TALDO1: variants seen among roughly 807,000 people sequenced by gnomAD.
TALDO1 encodes transaldolase.
A neutral mutation model predicts 38.1 loss-of-function variants in TALDO1; 29 were observed. That is an observed-to-expected ratio of 0.76 (90% CI 0.57 to 1.04). The LOEUF is 1.04. TALDO1 is among the 50% of genes least tolerant of loss of function. TALDO1 has a pLI of 0.00. For synonymous variants in TALDO1, 207 were observed against 176.8 expected (o/e 1.17, Z -1.36); for missense variants, 499 against 438.1 (o/e 1.14, Z -1.24).
intron 4 of TALDO1, among the ~76,000 whole-genome samples, chr11:762,731 C>T (rs372219267): frequency 8.9e-4 from 135 of 152,398 alleles, no homozygotes; most frequent in Non-Finnish European, 1.6e-3. Flanking sequence ...CTGCTCCGTC[C>T]TTGGGGATCA....
At chr11:758,529 AGATG>A (rs973052857) in intron 2 of TALDO1, among the ~76,000 whole-genome samples, 10 of 152,164 alleles carry the variant, frequency 6.6e-5, no homozygotes, top group African/African-American at 2.4e-4. Flanking sequence ...AGAAAAAAAA[AGATG>A]GAGGGAAGGA....
At chr11:759,271 T>C (rs757387211) in intron 3 of TALDO1, among the ~76,000 whole-genome samples, 3 of 152,152 alleles carry the variant, frequency 2.0e-5, no homozygotes, top group Non-Finnish European at 4.4e-5. Context: ...TTTATTTTTA[T>C]TTATTTTTGA....
chr11:750,787 T>C (rs1862737746), intron 1 of TALDO1, among the ~76,000 whole-genome samples: 1 of 151,764 alleles, frequency 6.6e-6, no homozygotes, highest in Non-Finnish European at 1.5e-5. Context: ...ATCGCGCCAC[T>C]GCACTCCAGC....
rs1048362222 is a variant in TALDO1, at chr11:760,050, C to T, written c.330-72C>T. 21 of 1,604,526 alleles carry T rather than the reference C, an allele frequency of 1.3e-5. No homozygotes were observed. In the African/African-American group the frequency reaches 1.3e-4, roughly 10 times the overall value. On this transcript the variant is annotated intron_variant, in intron 3 of 7. Coordinates refer to ENST00000319006, the MANE Select transcript of TALDO1 (RefSeq NM_006755.2). ...TGCTCAAAACTGACAGGCAGACACC[C>T]GGCCTCCAGCTTGCTCTGCGTGGTG... is the stretch of plus-strand genomic sequence containing the variant.
At chr11:748,280 G>T (rs1472791776) in intron 1 of TALDO1, among the ~76,000 whole-genome samples, 1 of 152,214 alleles carries the variant, frequency 6.6e-6, no homozygotes, top group Non-Finnish European at 1.5e-5. Context: ...CAGGTGCCCG[G>T]CCTGCTGGAC....
At chr11:760,349 T>A in intron 4 of TALDO1, 96 bp downstream of exon 4, 1 of 1,573,318 alleles carries the variant, frequency 6.4e-7, no homozygotes, top group African/African-American at 1.3e-5. Flanking sequence ...CTCTCAGCCC[T>A]GGGGAATGCC....
intron 1 of TALDO1, among the ~76,000 whole-genome samples, chr11:751,920 G>A (rs1012813887): frequency 3.3e-5 from 5 of 152,078 alleles, no homozygotes; most frequent in African/African-American, 1.2e-4. Flanking sequence ...TTATAATGTT[G>A]GGGCACTCTA....
chr11:761,131 C>A (rs1188681859), intron 4 of TALDO1, among the ~76,000 whole-genome samples: 1 of 151,916 alleles, frequency 6.6e-6, no homozygotes, highest in Non-Finnish European at 1.5e-5. Flanking sequence ...GTCAGGAGTT[C>A]GAGACCAGGC....
chr11:757,772 T>C (rs543321384), intron 2 of TALDO1, among the ~76,000 whole-genome samples: 1 of 152,200 alleles, frequency 6.6e-6, no homozygotes, highest in South Asian at 2.1e-4. Context: ...GGGATGCAGT[T>C]TGGGATGATG....
chr11:764,573 G>A (rs1590072454), intron 7 of TALDO1, 140 bp downstream of exon 7: 2 of 1,430,046 alleles, frequency 1.4e-6, no homozygotes, highest in South Asian at 1.2e-5. Flanking sequence ...AGTGGGGCCT[G>A]TTGAGGCCAT....
intron 1 of TALDO1, chr11:752,214 C>T (rs58976123): frequency 6.6e-4 from 100 of 151,924 alleles, no homozygotes; most frequent in African/African-American, 2.3e-3. Context: ...GGACTACAGG[C>T]GCCCGCCACC....
chr11:759,797 G>T (rs772814464), intron 3 of TALDO1, among the ~76,000 whole-genome samples: 3 of 152,096 alleles, frequency 2.0e-5, no homozygotes, highest in Non-Finnish European at 4.4e-5. Flanking sequence ...GGCCAGGATG[G>T]TCTCGATCCC....
intron 1 of TALDO1, among the ~76,000 whole-genome samples, chr11:751,891 C>T (rs76413285): frequency 0.018 from 2,738 of 152,252 alleles, 77 homozygotes; most frequent in African/African-American, 0.063. Flanking sequence ...GTTCCTGTCT[C>T]ATAACTCCCA....
At position 756,010 on chromosome 11, in the gene TALDO1, C is replaced by A; in HGVS notation, c.221+8C>A. The A allele has an allele frequency of 1.2e-6, 2 of 1,611,828 alleles. No individual in the cohort carries two copies. The highest frequency in any genetic ancestry group is 1.7e-6 in the Non-Finnish European group (2 of 1,179,344). On this transcript the variant is annotated splice_region_variant and intron_variant, in intron 2 of 7. Transcript: ENST00000319006. ...TGGCCGGAAGCTGGGCGGGTGAGTG[C>A]CTGGACTCGGGAGGGTCCCAGCTAG...
Position 755,978 on chromosome 11 carries a change from T to C in TALDO1, c.197T>C (p.Ile66Thr), listed in dbSNP as rs146282855. Residue 66 changes from isoleucine (I) to threonine (T), a missense_variant, in exon 2 of 8, where the codon ATT becomes ACT. By Grantham distance (89) the Ile-to-Thr change is moderately conservative. Transcript: ENST00000319006. Reference protein sequence around the residue: ...PAYQELVEEAIAYGRKLGGSQ... With the variant: ...PAYQELVEEATAYGRKLGGSQ... ...TACCAGGAGCTGGTGGAGGAGGCGA[T>C]TGCCTATGGCCGGAAGCTGGGCGGG... The C allele has an allele frequency of 1.9e-4, 306 of 1,613,560 alleles. 4 individuals are homozygous for C. Among genetic ancestry groups the C allele is most frequent in the South Asian group, 8.8e-5 (8 of 91,046 alleles).
At chr11:748,423 G>C (rs1202983431) in intron 1 of TALDO1, among the ~76,000 whole-genome samples, 1 of 63,650 alleles carries the variant, frequency 1.6e-5, no homozygotes, top group Non-Finnish European at 3.1e-5. Context: ...TACAAAGAAG[G>C]ATTATTTATT....
At chr11:750,755 G>T (rs959091545) in intron 1 of TALDO1, among the ~76,000 whole-genome samples, 2 of 151,974 alleles carry the variant, frequency 1.3e-5, no homozygotes, top group Admixed American at 6.6e-5. Context: ...AACCTGGGAG[G>T]CGGAGCTTGC....
chr11:749,790 T>G (rs1862721316), intron 1 of TALDO1, among the ~76,000 whole-genome samples: 1 of 152,220 alleles, frequency 6.6e-6, no homozygotes, highest in Non-Finnish European at 1.5e-5. Flanking sequence ...ATGGGCTGTT[T>G]TCAGTGCCTC....
chr11:756,592 C>T (rs1285835563), intron 2 of TALDO1, among the ~76,000 whole-genome samples: 2 of 151,254 alleles, frequency 1.3e-5, no homozygotes, highest in Admixed American at 6.6e-5. Context: ...CTCGGCTCAC[C>T]GCAACCTCTG....
Sources: allele counts gnomAD v4.1 joint callset (sites outside exome capture counted in the v4.1 genomes callset), GRCh38; gene constraint gnomAD v4.1.1; transcripts MANE v1.5; gene names NCBI Gene and HGNC (gene_info 2026-07-23, HGNC 2026-07-21).